The following GALNTL6 variants were observed in gnomAD, a reference collection of about 807,000 sequenced individuals.
The protein encoded by GALNTL6 is polypeptide N-acetylgalactosaminyltransferase-like 6.
In GALNTL6, 46 loss-of-function variants were observed where a neutral mutation model predicts 73.7. The ratio of observed to expected loss-of-function variants is 0.62; its 90% confidence interval spans 0.49 to 0.80. The LOEUF is 0.80. GALNTL6 is among the 30% of genes least tolerant of loss of function. The probability of loss-of-function intolerance (pLI) is 0.00; values close to 1 mark genes in which losing one functional copy is unlikely to be tolerated. For synonymous variants in GALNTL6, 259 were observed against 263.7 expected (o/e 0.98, Z 0.17); for missense variants, 604 against 755.0 (o/e 0.80, Z 2.34).
At chr4:171,991,990 A>G (rs1445236985) in intron 2 of GALNTL6, among the ~76,000 whole-genome samples, 1 of 151,912 alleles carries the variant, frequency 6.6e-6, no homozygotes, top group Non-Finnish European at 1.5e-5. Flanking sequence ...AGTGTAACTA[A>G]TCAACAATTA....
At position 172,402,494 on chromosome 4, in the gene GALNTL6, C is replaced by T. The variant is rs560678733; in HGVS notation, c.553+53805C>T. ...AAGCAGTTAACTGCCATTACTGGAACGGTGAAGGATACAATTTTAAAGAGA... is the reference window on the plus strand; with the variant it reads ...AAGCAGTTAACTGCCATTACTGGAATGGTGAAGGATACAATTTTAAAGAGA... On this transcript the variant is annotated intron_variant, in intron 5 of 12. Coordinates refer to ENST00000506823, the MANE Select transcript of GALNTL6 (RefSeq NM_001034845.3). Among the ~76,000 whole-genome samples, 20 of 152,120 alleles carry T rather than the reference C, an allele frequency of 1.3e-4. No individual in the cohort carries two copies. The South Asian group carries it at 1.4e-3, about 11-fold the overall frequency.
chr4:172,593,474 A>G (rs543723861), intron 5 of GALNTL6, among the ~76,000 whole-genome samples: 1 of 152,206 alleles, frequency 6.6e-6, no homozygotes, highest in East Asian at 1.9e-4. Context: ...ATGCTGCCTA[A>G]ATTCCACCTA....
intron 5 of GALNTL6, among the ~76,000 whole-genome samples, chr4:172,542,482 C>T (rs1208464592): frequency 2.6e-5 from 4 of 152,060 alleles, no homozygotes; most frequent in Non-Finnish European, 1.5e-5. Flanking sequence ...ACTCCTATAC[C>T]CTTACCATCT....
chr4:172,488,166 T>G (rs1402665361), intron 5 of GALNTL6, among the ~76,000 whole-genome samples: 1 of 152,162 alleles, frequency 6.6e-6, no homozygotes, highest in African/African-American at 2.4e-5. Context: ...TCAGGACTTG[T>G]CTTAGCAAAT....
intron 5 of GALNTL6, among the ~76,000 whole-genome samples, chr4:172,515,291 C>T (rs1004833963): frequency 2.0e-5 from 3 of 152,234 alleles, no homozygotes; most frequent in African/African-American, 4.8e-5. Flanking sequence ...TTTCCCACCT[C>T]CCAGGGATGA....
In GALNTL6 at chr4:173,024,593, G is replaced by GT. The variant is rs200629564; in HGVS notation, c.1638+2974dup. 8.3e-3 allele frequency among the ~76,000 whole-genome samples: 1,267 copies of GT among 152,176 alleles called. 8 individuals carry two copies. The highest frequency in any genetic ancestry group is 0.033 in the South Asian group (159 of 4,812). On this transcript the variant is annotated intron_variant, in intron 12 of 12. Transcript: ENST00000506823. The stretch of plus-strand genomic sequence containing the variant: ...CTGGCAGTTTTAGATGTTTTTGTTT[G>GT]TTTTTTGAGACGGAGTTTTGCTCTT...
chr4:172,307,373 A>G (rs573797148), intron 3 of GALNTL6, among the ~76,000 whole-genome samples: 90 of 152,166 alleles, frequency 5.9e-4, no homozygotes, highest in Middle Eastern at 3.4e-3. Flanking sequence ...AGTCCCATCT[A>G]TTTATCTTTG....
chr4:172,290,190 T>TGAGATTGAGGAATA (rs57313950), intron 3 of GALNTL6, among the ~76,000 whole-genome samples: 33,251 of 151,970 alleles, frequency 0.22, 4,657 homozygotes, highest in African/African-American at 0.4. Context: ...TGAGTTCCTC[T>TGAGATTGAGGAATA]GAGACAAATT....
chr4:172,017,297 T>A (rs1741227104), intron 2 of GALNTL6, among the ~76,000 whole-genome samples: 1 of 152,142 alleles, frequency 6.6e-6, no homozygotes, highest in South Asian at 2.1e-4. Flanking sequence ...TTTCAGCCAT[T>A]CAGATCAGAC....
chr4:171,952,722 T>A (rs564332581), intron 2 of GALNTL6, among the ~76,000 whole-genome samples: 5 of 152,218 alleles, frequency 3.3e-5, no homozygotes, highest in African/African-American at 1.2e-4. Flanking sequence ...CTACACTAAA[T>A]CTATGGTGAA....
intron 5 of GALNTL6, among the ~76,000 whole-genome samples, chr4:172,705,661 C>T (rs1184908539): frequency 1.3e-5 from 2 of 151,994 alleles, no homozygotes; most frequent in Non-Finnish European, 2.9e-5. Flanking sequence ...CTCCCTTTAG[C>T]ATTCTTATAA....
At chr4:172,213,713 C>CT (rs1736403793) in intron 2 of GALNTL6, among the ~76,000 whole-genome samples, 1 of 152,084 alleles carries the variant, frequency 6.6e-6, no homozygotes, top group South Asian at 2.1e-4. Flanking sequence ...CAGTCTGTAG[C>CT]TTTCCATTTT....
chr4:171,924,373 G>A (rs769849253), intron 2 of GALNTL6, among the ~76,000 whole-genome samples: 9 of 152,140 alleles, frequency 5.9e-5, no homozygotes, highest in Non-Finnish European at 8.8e-5. Context: ...GTGCAAAAAC[G>A]TTATGAGGTG....
intron 10 of GALNTL6, among the ~76,000 whole-genome samples, chr4:172,985,091 G>A (rs752361227): frequency 8.5e-5 from 13 of 152,100 alleles, no homozygotes; most frequent in Non-Finnish European, 1.8e-4. Flanking sequence ...GCTACCTGTG[G>A]CTCAAAACAT....
chr4:172,073,486 G>A (rs1035002765), intron 2 of GALNTL6, among the ~76,000 whole-genome samples: 4 of 152,294 alleles, frequency 2.6e-5, no homozygotes, highest in Non-Finnish European at 5.9e-5. Context: ...TGGAAGAGTA[G>A]GGTGCCTTCT....
intron 4 of GALNTL6, among the ~76,000 whole-genome samples, chr4:172,312,748 G>A (rs1740406779): frequency 6.6e-6 from 1 of 152,214 alleles, no homozygotes; most frequent in South Asian, 2.1e-4. Context: ...GTACATTATG[G>A]TTTGAAGGAC....
intron 5 of GALNTL6, among the ~76,000 whole-genome samples, chr4:172,418,928 A>G (rs1730947001): frequency 9.0e-6 from 1 of 111,608 alleles, no homozygotes; most frequent in Non-Finnish European, 1.9e-5. Flanking sequence ...AAATTTTTAA[A>G]AAGTAGTTTT....
chr4:172,169,212 G>C (rs1734733501), intron 2 of GALNTL6, among the ~76,000 whole-genome samples: 1 of 152,164 alleles, frequency 6.6e-6, no homozygotes. Flanking sequence ...TGCCCTAAGA[G>C]AGAACAGTCT....
chr4:172,279,588 A>G (rs1738969664), intron 3 of GALNTL6, among the ~76,000 whole-genome samples: 1 of 152,176 alleles, frequency 6.6e-6, no homozygotes, highest in Non-Finnish European at 1.5e-5. Context: ...GAAGATGAAG[A>G]TATATTGGAT....
Sources: allele counts gnomAD v4.1 joint callset (sites outside exome capture counted in the v4.1 genomes callset), GRCh38; gene constraint gnomAD v4.1.1; transcripts MANE v1.5; gene names NCBI Gene and HGNC (gene_info 2026-07-23, HGNC 2026-07-21).